CHMP3: variants seen among roughly 807,000 people sequenced by gnomAD.
The protein encoded by CHMP3 is 25.1 protein.
In CHMP3, 8 loss-of-function variants were observed where a neutral mutation model predicts 27.4. The observed-to-expected ratio is 0.29, with a 90% CI of 0.17 to 0.53. CHMP3 has a LOEUF of 0.53. Among genes scored for constraint, CHMP3 ranks in the 20% least tolerant of loss-of-function variants. The pLI is 0.96. For missense variants in CHMP3, 208 were observed against 271.5 expected (o/e 0.77, Z 1.64); for synonymous variants, 86 against 85.5 (o/e 1.01, Z -0.03).
At chr2:86,553,204 GAA>G (rs748370975) in intron 1 of CHMP3, among the ~76,000 whole-genome samples, 5 of 126,956 alleles carry the variant, frequency 3.9e-5, no homozygotes, top group East Asian at 2.2e-4. Context: ...AAAGTTGGAG[GAA>G]AAAAAAAAAA....
intron 2 of CHMP3, among the ~76,000 whole-genome samples, chr2:86,538,229 G>A (rs559779042): frequency 1.3e-5 from 2 of 152,268 alleles, no homozygotes; most frequent in Non-Finnish European, 2.9e-5. Flanking sequence ...CAAATACTTA[G>A]ATACAGAAAG....
At chr2:86,523,081 A>C (rs1675574221) in intron 3 of CHMP3, among the ~76,000 whole-genome samples, 1 of 152,180 alleles carries the variant, frequency 6.6e-6, no homozygotes, top group Non-Finnish European at 1.5e-5. Context: ...CTTGTCTTGG[A>C]GAAGCATTGC....
At chr2:86,542,544 A>G (rs939315987) in intron 1 of CHMP3, among the ~76,000 whole-genome samples, 1 of 152,194 alleles carries the variant, frequency 6.6e-6, no homozygotes, top group Admixed American at 6.5e-5. Context: ...GGCAGGCTGT[A>G]AGCAGCACTT....
At chr2:86,535,856 T>G (rs1676108348) in intron 2 of CHMP3, among the ~76,000 whole-genome samples, 1 of 151,290 alleles carries the variant, frequency 6.6e-6, no homozygotes, top group Non-Finnish European at 1.5e-5. Context: ...CTCATAAAAC[T>G]CTGTCTCTAC....
rs1275638920 is a variant in CHMP3, at chr2:86,555,673, T to A, written c.45+7631A>T. On this transcript the variant is annotated intron_variant, in intron 1 of 5. Coordinates refer to ENST00000263856, the MANE Select transcript of CHMP3 (RefSeq NM_016079.4). ...AACTTTTAATGGCTACCAGCATTCC[T>A]TAGTTTGCAGTCTCACCATCCAATC... Among the ~76,000 whole-genome samples the A allele has an allele frequency of 3.5e-4, 54 of 152,296 alleles. 1 individual carries two copies. The highest frequency in any genetic ancestry group is 1.2e-4 in the Non-Finnish European group (8 of 68,022).
chr2:86,507,838 C>T (rs764060344), intron 4 of CHMP3, among the ~76,000 whole-genome samples: 5 of 152,212 alleles, frequency 3.3e-5, no homozygotes, highest in Non-Finnish European at 7.4e-5. Context: ...TGGCTGTCAG[C>T]AGAGCTTCCT....
At position 86,542,290 on chromosome 2, in the gene CHMP3, A is replaced by G; in HGVS notation, c.68T>C (p.Ile23Thr). 6.2e-7 allele frequency: 1 copy of G among 1,613,560 alleles called. No individual in the cohort carries two copies. Among genetic ancestry groups the G allele is most frequent in the Non-Finnish European group, 8.5e-7 (1 of 1,179,624 alleles). ...GTCAACAACTCTCATTTCCTTTCTT[A>G]TCTTCAATGACCACTCATTGACCTG... ...KELVNEWSLK[I>T]RKEMRVVDRQ... The change falls in exon 2 of 6, where the codon ATA (isoleucine) becomes ACA (threonine). Residue 23 changes from isoleucine to threonine, a missense_variant. Transcript: ENST00000263856.
intron 1 of CHMP3, among the ~76,000 whole-genome samples, chr2:86,552,703 A>T (rs1676956988): frequency 6.6e-6 from 1 of 152,216 alleles, no homozygotes; most frequent in Non-Finnish European, 1.5e-5. Context: ...GATGTGATAC[A>T]CTATGAATCA....
rs1263981172 is a variant in CHMP3 at position 86,563,435 on chromosome 2, G to A, written c.-87C>T. 6.5e-7 allele frequency: 1 copy of A among 1,534,786 alleles called. No homozygotes were observed. ...GGCAGCCGCCTGGGCGGGGCCCGCGGAAAAGGAGGTAGTCCCAACCCCCAG... is the reference window on the plus strand; with the variant it reads ...GGCAGCCGCCTGGGCGGGGCCCGCGAAAAAGGAGGTAGTCCCAACCCCCAG... On this transcript the variant is annotated 5_prime_UTR_variant, in exon 1 of 6. Coordinates refer to ENST00000263856, the MANE Select transcript of CHMP3 (RefSeq NM_016079.4).
chr2:86,554,092 T>G (rs1677018268), intron 1 of CHMP3, among the ~76,000 whole-genome samples: 1 of 152,200 alleles, frequency 6.6e-6, no homozygotes, highest in Non-Finnish European at 1.5e-5. Flanking sequence ...GTAGCTCTTT[T>G]GCCCCTTCAA....
chr2:86,519,516 T>C (rs1423649946), intron 3 of CHMP3, among the ~76,000 whole-genome samples: 1 of 152,226 alleles, frequency 6.6e-6, no homozygotes, highest in Non-Finnish European at 1.5e-5. Context: ...GACTGCCTCA[T>C]GTCACTCTCA....
In CHMP3 at chr2:86,542,273, C is replaced by T; in HGVS notation, c.85G>A (p.Val29Ile). 2 of 1,613,586 alleles carry T rather than the reference C, an allele frequency of 1.2e-6. No homozygotes were observed. The highest frequency in any genetic ancestry group is 2.2e-5 in the East Asian group (1 of 44,800). ...TTACCCCTTATTTGCCTGTCAACAA[C>T]TCTCATTTCCTTTCTTATCTTCAAT... is the stretch of plus-strand genomic sequence containing the variant. ...WSLKIRKEMR[V>I]VDRQIRDIQR... The change falls in exon 2 of 6, where the codon GTT becomes ATT. Residue 29 changes from valine (V) to isoleucine (I), a missense_variant. Val to Ile is a conservative substitution (Grantham distance 29). Around this residue, in one of 3 missense-constraint regions of CHMP3, gnomAD observed 52 missense variants for 43.5 expected, o/e 1.19. Transcript: ENST00000263856.
chr2:86,527,029 G>T (rs573412109), intron 3 of CHMP3: 1 of 152,162 alleles, frequency 6.6e-6, no homozygotes, highest in South Asian at 2.1e-4. Flanking sequence ...CTGGGAAGGT[G>T]TATTAAAGGA....
At chr2:86,533,345 T>C (rs545574974) in intron 2 of CHMP3, among the ~76,000 whole-genome samples, 1 of 152,326 alleles carries the variant, frequency 6.6e-6, no homozygotes, top group South Asian at 2.1e-4. Flanking sequence ...TATACATTTT[T>C]TTGTCTTTTT....
intron 2 of CHMP3, among the ~76,000 whole-genome samples, chr2:86,539,913 T>C (rs1676296145): frequency 1.3e-5 from 2 of 152,100 alleles, no homozygotes; most frequent in Non-Finnish European, 2.9e-5. Context: ...TCTTTCTGGC[T>C]TTTGTTTGAA....
chr2:86,536,867 C>G (rs1366767296), intron 2 of CHMP3, among the ~76,000 whole-genome samples: 1 of 152,038 alleles, frequency 6.6e-6, no homozygotes, highest in Non-Finnish European at 1.5e-5. Context: ...TCTGACAGGT[C>G]TCTTAGGCTC....
chr2:86,559,447 T>C (rs1399504455), intron 1 of CHMP3, among the ~76,000 whole-genome samples: 1 of 152,202 alleles, frequency 6.6e-6, no homozygotes, highest in African/African-American at 2.4e-5. Context: ...CTCAACTACC[T>C]ATCTATCCAT....
At chr2:86,510,807 A>C (rs572885896) in intron 3 of CHMP3, 22 of 257,140 alleles carry the variant, frequency 8.6e-5, no homozygotes, top group Non-Finnish European at 1.6e-4. Flanking sequence ...TGGGAGAAAG[A>C]GCTCCAGACC....
chr2:86,535,662 C>T (rs908063541), intron 2 of CHMP3, among the ~76,000 whole-genome samples: 6 of 152,038 alleles, frequency 3.9e-5, no homozygotes, highest in Admixed American at 6.6e-5. Flanking sequence ...GCGCACCACA[C>T]GCCCAGCTAA....
Sources: allele counts gnomAD v4.1 joint callset (sites outside exome capture counted in the v4.1 genomes callset), GRCh38; gene constraint gnomAD v4.1.1; regional missense constraint gnomAD v4.1.1; transcripts MANE v1.5; gene names NCBI Gene and HGNC (gene_info 2026-07-23, HGNC 2026-07-21).